Variants in ALX4 observed in about 807,000 individuals in gnomAD.
ALX4 encodes homeobox protein aristaless-like 4.
In ALX4, 22 loss-of-function variants were observed where a neutral mutation model predicts 40.6. That is an observed-to-expected ratio of 0.54 (90% confidence interval 0.39 to 0.77). The LOEUF (loss-of-function observed/expected upper bound fraction) is 0.77. ALX4 is among the 30% of genes least tolerant of loss of function. The pLI is 0.00. For missense variants in ALX4, 556 were observed against 564.8 expected, an observed-to-expected ratio of 0.98 and a Z score of 0.16; for synonymous variants, 266 against 240.5, an observed-to-expected ratio of 1.11 and a Z score of -0.98.
intron 1 of ALX4, among the ~76,000 whole-genome samples, chr11:44,293,145 A>G (rs1956380456): frequency 1.2e-5 from 1 of 80,518 alleles, no homozygotes; most frequent in African/African-American, 5.0e-5. Flanking sequence ...GGAAGGAAGG[A>G]AGGAAGGAAG....
chr11:44,263,487 G>A lies in ALX4; in HGVS notation c.*1367C>T, dbSNP rs937321240. ...TTTGCAATAGCAAAGCCACACCGAG[G>A]AGCCCAGGCCAGGAGCCCTTCCGCA... On this transcript the variant is annotated 3_prime_UTR_variant, in exon 4 of 4. Transcript: ENST00000652299. 1 of 152,332 alleles carries A rather than the reference G, an allele frequency of 6.6e-6. No individual in the cohort carries two copies. The highest frequency in any genetic ancestry group is 1.5e-5 in the Non-Finnish European group (1 of 68,126). The allele number at this position is 152,332 out of a possible 1,614,324, so 9.4% of individuals were successfully genotyped here. A position where few individuals can be genotyped will look rare whatever the true frequency, so the allele number is the denominator to read the frequency against.
At position 44,264,984 on chromosome 11, in the gene ALX4, C is replaced by T. The variant is rs750221052; in HGVS notation, c.1106G>A (p.Gly369Glu). The part of the protein sequence containing the change: ...VGQTHMGSLF[G>E]AASLSPGLNG... ...GAGGCCTGGGCTGAGGCTGGCTGCTCCAAACAGGCTGCCCATGTGCGTCTG... is the reference window on the plus strand; with the variant it reads ...GAGGCCTGGGCTGAGGCTGGCTGCTTCAAACAGGCTGCCCATGTGCGTCTG... The change falls in exon 4 of 4, where the codon GGA becomes GAA. Residue 369 changes from glycine (G) to glutamate (E), a missense_variant. By Grantham distance (98) the Gly-to-Glu change is moderately conservative. Coordinates refer to ENST00000652299, the MANE Select transcript of ALX4 (RefSeq NM_021926.4). The T allele has an allele frequency of 1.1e-4, 182 of 1,613,018 alleles. No individual in the cohort carries two copies. The Admixed American group carries it at 2.9e-3, about 26-fold the overall frequency.
chr11:44,261,639 G>A lies in ALX4; in HGVS notation c.*3215C>T, dbSNP rs1330489485. ...TAGTGCTGGCATCTGGAGGGCAGTAGCAGCACCTTAGTGTCAAGCCTTGCC... is the reference window on the plus strand; with the variant it reads ...TAGTGCTGGCATCTGGAGGGCAGTAACAGCACCTTAGTGTCAAGCCTTGCC... On this transcript the variant is annotated 3_prime_UTR_variant, in exon 4 of 4. Coordinates refer to ENST00000652299, the MANE Select transcript of ALX4 (RefSeq NM_021926.4). 6.6e-6 allele frequency: 1 copy of A among 152,222 alleles called. No individual in the cohort carries two copies. The highest frequency in any genetic ancestry group is 1.5e-5 in the Non-Finnish European group (1 of 68,054). The allele number at this position is 152,222 out of a possible 1,614,324, so 9.4% of individuals were successfully genotyped here. A position where few individuals can be genotyped will look rare whatever the true frequency, so the allele number is the denominator to read the frequency against.
intron 2 of ALX4, among the ~76,000 whole-genome samples, chr11:44,271,861 T>A (rs967076956): frequency 8.9e-4 from 135 of 152,312 alleles, no homozygotes; most frequent in Non-Finnish European, 1.6e-3. Context: ...CACTCCCATA[T>A]ATTTGTTAGG....
chr11:44,269,191 G>C lies in ALX4; in HGVS notation c.778-1569C>G, dbSNP rs577319876. ...GCTGCCTGGCCTCTTTGGGCATCCA[G>C]TGTAGCTGGCCAATGGACAGGCTCA... On this transcript the variant is annotated intron_variant, in intron 2 of 3. Coordinates refer to ENST00000652299, the MANE Select transcript of ALX4 (RefSeq NM_021926.4). 7.2e-5 allele frequency among the ~76,000 whole-genome samples: 11 copies of C among 152,362 alleles called. No individual in the cohort carries two copies. In the South Asian group the frequency reaches 2.1e-3, roughly 29 times the overall value.
At chr11:44,295,577 T>A (rs1956398317) in intron 1 of ALX4, among the ~76,000 whole-genome samples, 1 of 152,220 alleles carries the variant, frequency 6.6e-6, no homozygotes, top group Admixed American at 6.5e-5. Context: ...CCCCAGCCCC[T>A]GGTTGTGCCA....
intron 2 of ALX4, 116 bp downstream of exon 2, chr11:44,275,232 T>A: frequency 9.3e-7 from 1 of 1,078,494 alleles, no homozygotes; most frequent in Non-Finnish European, 1.4e-6. Context: ...CTCAATGAAC[T>A]GAGGAAAGGA....
intron 3 of ALX4, among the ~76,000 whole-genome samples, chr11:44,266,881 G>A (rs1270286624): frequency 2.6e-5 from 4 of 152,192 alleles, no homozygotes; most frequent in Admixed American, 6.5e-5. Context: ...CAGAAGCTGA[G>A]CACAGGCACA....
At chr11:44,267,397 TA>T in intron 3 of ALX4, 96 bp downstream of exon 3, 2 of 1,524,962 alleles carry the variant, frequency 1.3e-6, no homozygotes, top group South Asian at 2.3e-5. Flanking sequence ...CCTGGAGCCA[TA>T]AGTCATCTCG....
chr11:44,283,309 A>G (rs1012754113), intron 1 of ALX4, among the ~76,000 whole-genome samples: 2 of 152,174 alleles, frequency 1.3e-5, no homozygotes, highest in Non-Finnish European at 2.9e-5. Flanking sequence ...GTAACTAAAA[A>G]GAAAATACAA....
chr11:44,264,493 T>G lies in ALX4; in HGVS notation c.*361A>C. The G allele has an allele frequency of 1.4e-5, 4 of 283,202 alleles. No homozygotes were observed. The highest frequency in any genetic ancestry group is 2.0e-5 in the Non-Finnish European group (3 of 148,574). The allele number at this position is 283,202 out of a possible 1,614,324, so 17.5% of individuals were successfully genotyped here. A position where few individuals can be genotyped will look rare whatever the true frequency, so the allele number is the denominator to read the frequency against. On this transcript the variant is annotated 3_prime_UTR_variant, in exon 4 of 4. Transcript: ENST00000652299. Reference sequence around the variant, plus strand: ...GGCTGGTGAGGCTGCTGGGTCTGCATGGAAATCTAGCATTGACTCATGGTC... The same window carrying G: ...GGCTGGTGAGGCTGCTGGGTCTGCAGGGAAATCTAGCATTGACTCATGGTC...
At chr11:44,308,028 C>G (rs1956479755) in intron 1 of ALX4, among the ~76,000 whole-genome samples, 1 of 152,080 alleles carries the variant, frequency 6.6e-6, no homozygotes, top group Non-Finnish European at 1.5e-5. Context: ...TGATCTCATT[C>G]CAACTGGAGG....
At chr11:44,276,907 T>C (rs1956281194) in intron 1 of ALX4, among the ~76,000 whole-genome samples, 2 of 152,142 alleles carry the variant, frequency 1.3e-5, no homozygotes, top group African/African-American at 4.8e-5. Context: ...CACCTGCCGC[T>C]CACCTCCTGT....
chr11:44,300,726 GAAGT>G (rs1441020907), intron 1 of ALX4, among the ~76,000 whole-genome samples: 1 of 152,218 alleles, frequency 6.6e-6, no homozygotes, highest in Non-Finnish European at 1.5e-5. Flanking sequence ...TGGCACTAGA[GAAGT>G]AAGGGGGCTG....
At chr11:44,283,680 C>T (rs1027862270) in intron 1 of ALX4, among the ~76,000 whole-genome samples, 2 of 152,182 alleles carry the variant, frequency 1.3e-5, no homozygotes, top group East Asian at 1.9e-4. Flanking sequence ...TGTCGGACCT[C>T]GGCCTCCTGA....
chr11:44,290,687 G>A (rs936700108), intron 1 of ALX4, among the ~76,000 whole-genome samples: 9 of 152,182 alleles, frequency 5.9e-5, no homozygotes, highest in East Asian at 5.8e-4. Flanking sequence ...AATGGGAGCC[G>A]ACTAAAGGAG....
chr11:44,265,225 TGTG>T, intron 3 of ALX4, 42 bp from the exon 4 acceptor site: 1 of 1,550,728 alleles, frequency 6.4e-7, no homozygotes, highest in East Asian at 2.3e-5. Flanking sequence ...GGCGGGCAGG[TGTG>T]GTGTGGAAGG....
chr11:44,309,465 G>A, intron 1 of ALX4, 132 bp downstream of exon 1: 1 of 1,472,962 alleles, frequency 6.8e-7, no homozygotes, highest in Non-Finnish European at 9.0e-7. Flanking sequence ...GATCGATCCC[G>A]TTTACCGACC....
In ALX4 at chr11:44,264,593, G is replaced by A. The variant is rs975512039; in HGVS notation, c.*261C>T. 9.3e-5 allele frequency: 53 copies of A among 570,998 alleles called. No individual in the cohort carries two copies. Among genetic ancestry groups the A allele is most frequent in the African/African-American group, 8.4e-4 (45 of 53,610 alleles). The allele number at this position is 570,998 out of a possible 1,614,324, so 35.4% of individuals were successfully genotyped here. ...TATCATGGATGCGAAGCTGAAAAACGTGGCCACCTGGCTTTCTCCACTGCC... is the reference window on the plus strand; with the variant it reads ...TATCATGGATGCGAAGCTGAAAAACATGGCCACCTGGCTTTCTCCACTGCC... On this transcript the variant is annotated 3_prime_UTR_variant, in exon 4 of 4. Coordinates refer to ENST00000652299, the MANE Select transcript of ALX4 (RefSeq NM_021926.4).
Sources: gnomAD v4.1 joint callset for allele counts (sites outside exome capture counted in the v4.1 genomes callset) on GRCh38, gnomAD v4.1.1 for gene constraint, MANE v1.5 for transcripts, NCBI Gene and HGNC (gene_info 2026-07-23, HGNC 2026-07-21) for gene names.